Variants in RFPL4A observed in about 807,000 individuals in gnomAD.
RFPL4A encodes ret finger protein-like 4A.
Under a neutral mutation model 8.3 loss-of-function variants are expected in RFPL4A, and 4 were observed. The observed-to-expected ratio is 0.48, with a 90% CI of 0.24 to 1.10. RFPL4A has a LOEUF of 1.10. Ranked by LOEUF, RFPL4A falls within the 50% of genes least tolerant of loss-of-function variation. The probability of loss-of-function intolerance (pLI) is 0.18; values close to 1 mark genes in which losing one functional copy is unlikely to be tolerated. For synonymous variants in RFPL4A, 43 were observed against 136.6 expected (o/e 0.31, Z 4.78); for missense variants, 111 against 358.7 (o/e 0.31, Z 5.58).
rs1568615800 is a variant in RFPL4A at position 55,762,939 on chromosome 19, A to G, written c.628A>G (p.Ser210Gly). The change falls in exon 3 of 3, where the codon AGT becomes GGT. Residue 210 changes from serine to glycine, a missense_variant. Physicochemically the swap from Ser to Gly is moderately conservative, Grantham distance 56. Coordinates refer to ENST00000434937, the MANE Select transcript of RFPL4A (RefSeq NM_001145014.2). Reference sequence around the variant, plus strand: ...TGTGCCTATGACTCCTCTCTGGGTGAGTCCCCAGTTGCACAGAGTGGGGAT... The same window carrying G: ...TGTGCCTATGACTCCTCTCTGGGTGGGTCCCCAGTTGCACAGAGTGGGGAT... ...STVPMTPLWV[S>G]PQLHRVGIFL... 6.4e-7 allele frequency: 1 copy of G among 1,551,474 alleles called. No individual in the cohort carries two copies. Among genetic ancestry groups the G allele is most frequent in the African/African-American group, 1.4e-5 (1 of 72,742 alleles).
In RFPL4A at chr19:55,761,962, G is replaced by A. The variant is rs1156651671; in HGVS notation, c.162G>A (p.Val54=). The change falls in exon 2 of 3, where the codon GTG becomes GTA. Residue 54 remains valine (V), a synonymous_variant. Transcript: ENST00000434937. The part of the protein sequence containing the change: ...GEGLLCRFCS[V]VSQKDDIKPK... Reference sequence around the variant, plus strand: ...GTTTACTGTGCCGTTTCTGCTCTGTGGTCTCTCAGAAGGATGACATCAAGC... The same window carrying A: ...GTTTACTGTGCCGTTTCTGCTCTGTAGTCTCTCAGAAGGATGACATCAAGC... 15 of 1,515,610 alleles carry A rather than the reference G, an allele frequency of 9.9e-6. 1 individual carries two copies. Among genetic ancestry groups the A allele is most frequent in the Admixed American group, 2.0e-5 (1 of 50,104 alleles). The allele number at this position is 1,515,610 out of a possible 1,614,324, so 93.9% of individuals were successfully genotyped here.
chr19:55,758,875 C>T (rs1424421562), upstream of RFPL4A: 1 of 150,600 alleles, frequency 6.6e-6, no homozygotes, highest in Non-Finnish European at 1.5e-5. Flanking sequence ...AACCAATAGG[C>T]ATAATATTCA....
chr19:55,761,379 C>T (rs58122950), intron 1 of RFPL4A, among the ~76,000 whole-genome samples: 4,108 of 137,200 alleles, frequency 0.03, 853 homozygotes, highest in African/African-American at 0.1. Flanking sequence ...CAACTTTAAA[C>T]GTTCTCAAGC....
At chr19:55,761,708 A>G in intron 1 of RFPL4A, 84 bp from the exon 2 acceptor site, 1 of 1,464,052 alleles carries the variant, frequency 6.8e-7, no homozygotes, top group Non-Finnish European at 9.2e-7. Flanking sequence ...AGCTCCATGC[A>G]TGTAAAGATA....
At chr19:55,760,226 G>A (rs1989254542) in intron 1 of RFPL4A, among the ~76,000 whole-genome samples, 1 of 151,466 alleles carries the variant, frequency 6.6e-6, no homozygotes, top group Non-Finnish European at 1.5e-5. Context: ...TTTGATCATA[G>A]CCATCCTAGC....
chr19:55,759,318 T>C (rs1989236218), intron 1 of RFPL4A, 143 bp downstream of exon 1: 1 of 152,120 alleles, frequency 6.6e-6, no homozygotes, highest in Non-Finnish European at 1.5e-5. Flanking sequence ...AGGGGACCTC[T>C]TCCCTGGTAA....
Position 55,761,776 on chromosome 19 carries a change from C to A in RFPL4A, c.-9-16C>A. 1 of 1,409,344 alleles carries A rather than the reference C, an allele frequency of 7.1e-7. No individual in the cohort carries two copies. Among genetic ancestry groups the A allele is most frequent in the Non-Finnish European group, 9.7e-7 (1 of 1,031,418 alleles). The allele number at this position is 1,409,344 out of a possible 1,614,324, so 87.3% of individuals were successfully genotyped here. ...CTCGTGGAAATTCTAATTCTGTGTT[C>A]ATTTTTTTTCTATAGACATTTGCCA... On this transcript the variant is annotated splice_polypyrimidine_tract_variant and intron_variant, in intron 1 of 2. Coordinates refer to ENST00000434937, the MANE Select transcript of RFPL4A (RefSeq NM_001145014.2).
chr19:55,760,253 C>T (rs527725195), intron 1 of RFPL4A, among the ~76,000 whole-genome samples: 6 of 151,586 alleles, frequency 4.0e-5, no homozygotes, highest in Non-Finnish European at 8.8e-5. Flanking sequence ...GGGTTAATAT[C>T]TCATCGCGGT....
upstream of RFPL4A, among the ~76,000 whole-genome samples, chr19:55,758,590 G>A (rs1412280564): frequency 1.3e-5 from 2 of 151,494 alleles, no homozygotes; most frequent in South Asian, 4.2e-4. Flanking sequence ...CTGACTGATT[G>A]TCTGGAAACC....
upstream of RFPL4A, among the ~76,000 whole-genome samples, chr19:55,757,833 T>G (rs1989201409): frequency 6.6e-6 from 1 of 151,410 alleles, no homozygotes; most frequent in South Asian, 2.1e-4. Flanking sequence ...GGCTTGGTGC[T>G]TTCCACAACT....
intron 1 of RFPL4A, among the ~76,000 whole-genome samples, chr19:55,759,499 C>T (rs1177454936): frequency 6.6e-6 from 1 of 151,250 alleles, no homozygotes; most frequent in Non-Finnish European, 1.5e-5. Flanking sequence ...TTCCTATTCT[C>T]CCCTTCCCAC....
chr19:55,758,191 A>G (rs571209254), upstream of RFPL4A, among the ~76,000 whole-genome samples: 785 of 152,146 alleles, frequency 5.2e-3, no homozygotes, highest in Middle Eastern at 0.017. Context: ...ATGCACCACA[A>G]CGTAGAGATT....
chr19:55,761,127 C>T (rs1471605412), intron 1 of RFPL4A, among the ~76,000 whole-genome samples: 5 of 134,098 alleles, frequency 3.7e-5, no homozygotes, highest in African/African-American at 8.4e-5. Context: ...TCAGTTTTAC[C>T]TGGTACGACT....
intron 1 of RFPL4A, among the ~76,000 whole-genome samples, chr19:55,760,974 G>C (rs1989268902): frequency 6.8e-6 from 1 of 147,864 alleles, no homozygotes; most frequent in Non-Finnish European, 1.5e-5. Flanking sequence ...GATTATTTTG[G>C]CTTTTTTTTC....
upstream of RFPL4A, among the ~76,000 whole-genome samples, chr19:55,758,732 T>C (rs1252973952): frequency 8.6e-5 from 13 of 151,436 alleles, no homozygotes; most frequent in Non-Finnish European, 7.4e-5. Context: ...GTCACCTCTT[T>C]TATTGAAATG....
chr19:55,761,640 T>C lies in RFPL4A; in HGVS notation c.-9-152T>C, dbSNP rs112897391. Among the ~76,000 whole-genome samples the C allele has an allele frequency of 4.9e-4, 73 of 149,072 alleles. 1 individual carries two copies. Among genetic ancestry groups the C allele is most frequent in the African/African-American group, 1.8e-3 (70 of 38,900 alleles). On this transcript the variant is annotated intron_variant, in intron 1 of 2. Transcript: ENST00000434937. ...TTCAGGGCCTCGAGTCATTGACATT[T>C]GTATTCATGTTGTGTCTTCGTCACT... is the stretch of plus-strand genomic sequence containing the variant.
In RFPL4A at chr19:55,761,781, T is replaced by C; in HGVS notation, c.-9-11T>C. ...GGAAATTCTAATTCTGTGTTCATTT[T>C]TTTTCTATAGACATTTGCCATGGCT... is the stretch of plus-strand genomic sequence containing the variant. On this transcript the variant is annotated splice_polypyrimidine_tract_variant and intron_variant, in intron 1 of 2. Transcript: ENST00000434937. 7.1e-7 allele frequency: 1 copy of C among 1,411,956 alleles called. No homozygotes were observed. Among genetic ancestry groups the C allele is most frequent in the Non-Finnish European group, 9.7e-7 (1 of 1,032,528 alleles). 87.5% of individuals were successfully genotyped at this position (1,411,956 alleles called of 1,614,324 possible). A position where few individuals can be genotyped will look rare whatever the true frequency, so the allele number is the denominator to read the frequency against.
intron 1 of RFPL4A, among the ~76,000 whole-genome samples, chr19:55,761,085 C>CTTTTTTTTTT (rs569591290): frequency 2.1e-5 from 2 of 94,556 alleles, no homozygotes; most frequent in Admixed American, 1.1e-4. Context: ...CTGGTTTTTC[C>CTTTTTTTTTT]TTTTTTTTTT....
rs1188459509 is a variant in RFPL4A, at chr19:55,759,222, G to T, written c.-10+47G>T. On this transcript the variant is annotated intron_variant, in intron 1 of 2. Coordinates refer to ENST00000434937, the MANE Select transcript of RFPL4A (RefSeq NM_001145014.2). ...TCATTTTTACAAAAGGCGTATGAGA[G>T]TCTAGGGGAATGCAATAATGTCTTG... 1.3e-4 allele frequency: 20 copies of T among 152,316 alleles called. 1 individual carries two copies. Among genetic ancestry groups the T allele is most frequent in the African/African-American group, 4.8e-4 (20 of 41,390 alleles). The allele number at this position is 152,316 out of a possible 1,614,324, so 9.4% of individuals were successfully genotyped here.
Sources: gnomAD v4.1 joint callset for allele counts (sites outside exome capture counted in the v4.1 genomes callset) on GRCh38, gnomAD v4.1.1 for gene constraint, MANE v1.5 for transcripts, NCBI Gene and HGNC (gene_info 2026-07-23, HGNC 2026-07-21) for gene names.